Variants in SMARCA2 observed in about 807,000 individuals in gnomAD.
SMARCA2 encodes the protein SWI/SNF related BAF chromatin remodeling complex subunit ATPase 2.
In SMARCA2, 61 loss-of-function variants were observed where a neutral mutation model predicts 199.8. The observed-to-expected ratio is 0.31, with a 90% CI of 0.25 to 0.38. SMARCA2 has a LOEUF of 0.38. SMARCA2 is among the 10% of genes least tolerant of loss of function. The probability of loss-of-function intolerance (pLI) is 1.00; values close to 1 mark genes in which losing one functional copy is unlikely to be tolerated. For synonymous variants in SMARCA2, 935 were observed against 732.0 expected (o/e 1.28, Z -4.48); for missense variants, 1,344 against 2,012.2 (o/e 0.67, Z 6.35).
In SMARCA2 at chr9:2,130,119, G is replaced by A. The variant is rs1361619158; in HGVS notation, c.3981+6182G>A. On this transcript the variant is annotated intron_variant, in intron 27 of 33. Coordinates refer to ENST00000349721, the MANE Select transcript of SMARCA2 (RefSeq NM_003070.5). ...TCCACCTGCTTCCGTCTCCCAAAGT[G>A]TTGAGATTACAGGCATGAGCCACCA... Among the ~76,000 whole-genome samples the A allele has an allele frequency of 2.6e-5, 4 of 152,150 alleles. No homozygotes were observed. In the South Asian group the frequency reaches 6.2e-4, roughly 24 times the overall value.
rs1171079330 is a variant in SMARCA2 at position 2,039,728 on chromosome 9, C to G, written c.618C>G (p.Val206=). ...QPLPETLQLA[V]QGKRTLPGLQ... is the part of the protein sequence containing the mutation. ...TCCCCGAAACGCTGCAGCTTGCAGTCCAGGGGAAAAGGACGTTGCCTGGCT... is the reference window on the plus strand; with the variant it reads ...TCCCCGAAACGCTGCAGCTTGCAGTGCAGGGGAAAAGGACGTTGCCTGGCT... The change falls in exon 4 of 34, where the codon GTC becomes GTG. Residue 206 remains valine, a synonymous_variant. Coordinates refer to ENST00000349721, the MANE Select transcript of SMARCA2 (RefSeq NM_003070.5). The surrounding 1 kb of genome is among the most constrained non-coding windows in gnomAD (Gnocchi z 4.8). 1.2e-6 allele frequency: 2 copies of G among 1,613,934 alleles called. No individual in the cohort carries two copies. The highest frequency in any genetic ancestry group is 2.2e-5 in the East Asian group (1 of 44,884).
intron 27 of SMARCA2, among the ~76,000 whole-genome samples, chr9:2,146,905 C>T (rs1018231839): frequency 1.3e-5 from 2 of 152,182 alleles, no homozygotes; most frequent in African/African-American, 4.8e-5. Flanking sequence ...GTTTTATCAG[C>T]AAGGTCTTTA....
In SMARCA2 at chr9:2,110,113, A is replaced by T; in HGVS notation, c.3293-141A>T. 2.0e-6 allele frequency: 1 copy of T among 491,668 alleles called. No individual in the cohort carries two copies. The highest frequency in any genetic ancestry group is 3.4e-6 in the Non-Finnish European group (1 of 292,634). The allele number at this position is 491,668 out of a possible 1,614,324, so 30.5% of individuals were successfully genotyped here. A position where few individuals can be genotyped will look rare whatever the true frequency, so the allele number is the denominator to read the frequency against. On this transcript the variant is annotated intron_variant, in intron 23 of 33. Coordinates refer to ENST00000349721, the MANE Select transcript of SMARCA2 (RefSeq NM_003070.5). The surrounding 1 kb of genome is among the most constrained non-coding windows in gnomAD (Gnocchi z 4.8). ...AAATGTTCAAAGTTTTTTATCCAGA[A>T]GTACAAAGCCCTGGAAATTACCTCA... is the stretch of plus-strand genomic sequence containing the variant.
Position 2,039,854 on chromosome 9 carries a change from G to A in SMARCA2, c.744G>A (p.Thr248=), listed in dbSNP as rs530795662. ...AGCAGCAGCCGCCGCAACCACAGAC[G>A]CAGCAACAACAGCAGCCGGCCCTTG... ...QPQQQPPQPQ[T]QQQQQPALVN... Residue 248 remains threonine, a synonymous_variant, in exon 4 of 34, where the codon ACG becomes ACA. Transcript: ENST00000349721. The surrounding 1 kb of genome is among the most constrained non-coding windows in gnomAD (Gnocchi z 4.8). 1.2e-5 allele frequency: 19 copies of A among 1,613,638 alleles called. No individual in the cohort carries two copies. In the African/African-American group the frequency reaches 1.7e-4, roughly 15 times the overall value.
In SMARCA2 at chr9:2,021,543, A is replaced by C. The variant is rs192245984; in HGVS notation, c.-37+6139A>C. Reference sequence around the variant, plus strand: ...GGGAGATGCTTTATCACACATGGATATTGGATGTCCAGAAGGAAAGCCCTC... The same window carrying C: ...GGGAGATGCTTTATCACACATGGATCTTGGATGTCCAGAAGGAAAGCCCTC... On this transcript the variant is annotated intron_variant, in intron 1 of 33. Transcript: ENST00000349721. Among the ~76,000 whole-genome samples the C allele has an allele frequency of 1.3e-3, 198 of 152,278 alleles. 1 individual carries two copies. The highest frequency in any genetic ancestry group is 2.1e-3 in the Non-Finnish European group (142 of 68,022).
intron 1 of SMARCA2, 148 bp from the exon 2 acceptor site, chr9:2,028,839 C>A: frequency 1.6e-6 from 1 of 642,134 alleles, no homozygotes; most frequent in Non-Finnish European, 2.7e-6. Flanking sequence ...GGATGTATAT[C>A]ACACTCACTC....
intron 14 of SMARCA2, 108 bp downstream of exon 14, chr9:2,077,884 C>A (rs1821396940): frequency 1.0e-6 from 1 of 975,324 alleles, no homozygotes. Context: ...ATATTTTAGG[C>A]CACATCACTT....
intron 5 of SMARCA2, among the ~76,000 whole-genome samples, chr9:2,054,260 C>T (rs534297158): frequency 6.6e-6 from 1 of 152,346 alleles, no homozygotes; most frequent in South Asian, 2.1e-4. Flanking sequence ...GAAAGCTTGT[C>T]AATTGGTTCT....
At chr9:2,178,185 C>G (rs1179792465) in intron 29 of SMARCA2, among the ~76,000 whole-genome samples, 1 of 152,130 alleles carries the variant, frequency 6.6e-6, no homozygotes, top group African/African-American at 2.4e-5. Context: ...TGTCTGTTCA[C>G]TTCCATGAAG....
At chr9:2,160,641 C>G (rs1276256722) in intron 27 of SMARCA2, 3 of 700,750 alleles carry the variant, frequency 4.3e-6, no homozygotes, top group Non-Finnish European at 7.8e-6. Flanking sequence ...ATGATTAGAG[C>G]TCTTTCAGCT....
In SMARCA2 at chr9:2,039,118, A is replaced by G. The variant is rs1455136690; in HGVS notation, c.356-348A>G. Among the ~76,000 whole-genome samples the G allele has an allele frequency of 2.6e-5, 4 of 152,168 alleles. No individual in the cohort carries two copies. Among genetic ancestry groups the G allele is most frequent in the Non-Finnish European group, 5.9e-5 (4 of 68,034 alleles). ...AAGTGTAAAATATTTAGTGGATTTC[A>G]AAGACTTAATATGAAAAAAAGAATG... On this transcript the variant is annotated intron_variant, in intron 3 of 33. Transcript: ENST00000349721. This position sits in a 1 kb window ranked among gnomAD's most constrained non-coding sequence, Gnocchi z 4.8.
At chr9:2,108,886 G>A (rs1171721350) in intron 23 of SMARCA2, among the ~76,000 whole-genome samples, 1 of 152,180 alleles carries the variant, frequency 6.6e-6, no homozygotes, top group Non-Finnish European at 1.5e-5. Flanking sequence ...GACCTCACCA[G>A]TTCACTAAAC....
intron 29 of SMARCA2, among the ~76,000 whole-genome samples, chr9:2,176,626 G>A (rs181263728): frequency 3.6e-4 from 54 of 152,010 alleles, no homozygotes; most frequent in Non-Finnish European, 4.6e-4. Context: ...ATCTCAGCTC[G>A]CTGCGACCTC....
chr9:2,155,549 G>A (rs1825312281), intron 27 of SMARCA2, among the ~76,000 whole-genome samples: 1 of 152,050 alleles, frequency 6.6e-6, no homozygotes, highest in South Asian at 2.1e-4. Flanking sequence ...CCAAAGTGCT[G>A]GGATTACAGG....
At chr9:2,097,007 C>T in intron 20 of SMARCA2, 2 of 528,482 alleles carry the variant, frequency 3.8e-6, no homozygotes, top group South Asian at 4.6e-5. Context: ...GTCAATTTTG[C>T]AGCAAATATA....
Position 2,104,008 on chromosome 9 carries a change from A to G in SMARCA2, c.3131A>G (p.Glu1044Gly). 6.2e-7 allele frequency: 1 copy of G among 1,613,954 alleles called. No homozygotes were observed. Among genetic ancestry groups the G allele is most frequent in the Non-Finnish European group, 8.5e-7 (1 of 1,179,940 alleles). Residue 1044 changes from glutamate to glycine, a missense_variant, in exon 23 of 34, where the codon GAA becomes GGA. Physicochemically the swap from Glu to Gly is moderately conservative, Grantham distance 98. Transcript: ENST00000349721. The surrounding 1 kb of genome is among the most constrained non-coding windows in gnomAD (Gnocchi z 4.0). Reference protein sequence around the residue: ...GYSNGVINGAELYRASGKFEL... With the variant: ...GYSNGVINGAGLYRASGKFEL... ...TTGCATTTTTTTGGGTTCAGGGCTG[A>G]ACTGTATCGGGCCTCAGGGAAGTTT...
chr9:2,067,431 C>T (rs1426086279), intron 9 of SMARCA2, among the ~76,000 whole-genome samples: 1 of 152,116 alleles, frequency 6.6e-6, no homozygotes, highest in Non-Finnish European at 1.5e-5. Context: ...TCAGGAAATG[C>T]GACAGCCAGT....
chr9:2,081,397 C>T (rs571459356), intron 14 of SMARCA2, among the ~76,000 whole-genome samples: 4 of 152,284 alleles, frequency 2.6e-5, no homozygotes, highest in African/African-American at 7.2e-5. Flanking sequence ...CTGGTCAGTC[C>T]GCCTTTTCAC....
intron 2 of SMARCA2, among the ~76,000 whole-genome samples, chr9:2,030,542 T>C (rs1362648128): frequency 3.1e-5 from 3 of 98,118 alleles, no homozygotes; most frequent in Non-Finnish European, 6.1e-5. Flanking sequence ...TTCCTCTAGC[T>C]TTTTTTTTTT....
Sources: allele counts gnomAD v4.1 joint callset (sites outside exome capture counted in the v4.1 genomes callset), GRCh38; gene constraint gnomAD v4.1.1; non-coding constraint Gnocchi (gnomAD v3.1); transcripts MANE v1.5; gene names NCBI Gene and HGNC (gene_info 2026-07-23, HGNC 2026-07-21).